Variants in RBPJ observed in about 807,000 individuals in gnomAD.
RBPJ encodes recombining binding protein suppressor of hairless.
A neutral mutation model predicts 67.8 loss-of-function variants in RBPJ; 9 were observed. The ratio of observed to expected loss-of-function variants is 0.13; its 90% confidence interval spans 0.08 to 0.23. RBPJ has a LOEUF of 0.23. RBPJ is among the 10% of genes least tolerant of loss of function. RBPJ has a pLI of 1.00. For missense variants in RBPJ, 305 were observed against 595.6 expected (o/e 0.51, Z 5.08); for synonymous variants, 198 against 203.3 (o/e 0.97, Z 0.22).
chr4:26,267,483 G>A (rs1292467475), intron 1 of RBPJ, among the ~76,000 whole-genome samples: 1 of 152,100 alleles, frequency 6.6e-6, no homozygotes, highest in Non-Finnish European at 1.5e-5. Flanking sequence ...AGATTTTTAA[G>A]TGTATCTTAT....
At chr4:26,160,227 T>C (rs1716052161), upstream of RBPJ, among the ~76,000 whole-genome samples, 1 of 152,200 alleles carries the variant, frequency 6.6e-6, no homozygotes, top group South Asian at 2.1e-4. Flanking sequence ...CAAGAAGCTT[T>C]CTCTTTAAGG....
chr4:26,347,943 T>C (rs1577490068), intron 1 of RBPJ, among the ~76,000 whole-genome samples: 1 of 33,582 alleles, frequency 3.0e-5, no homozygotes, highest in Non-Finnish European at 8.2e-5. Flanking sequence ...TGCTGTTTCC[T>C]TTTTTTTTTT....
Position 26,347,543 on chromosome 4 carries a change from G to T in RBPJ, c.20+26495G>T, listed in dbSNP as rs547005461. Among the ~76,000 whole-genome samples the T allele has an allele frequency of 8.5e-5, 13 of 152,302 alleles. No individual in the cohort carries two copies. The South Asian group carries it at 2.5e-3, about 29-fold the overall frequency. On this transcript the variant is annotated intron_variant, in intron 1 of 10. Coordinates refer to ENST00000355476, the MANE Select transcript of RBPJ (RefSeq NM_015874.6). ...GTGAGGTAAGTTTAAATGTTCATTG[G>T]ATTTAGGATTTCAGAGACCCTGGCA... is the stretch of plus-strand genomic sequence containing the variant.
chr4:26,118,556 T>G, the RBPJ span, among the ~76,000 whole-genome samples: 1 of 152,194 alleles, frequency 6.6e-6, no homozygotes, highest in Non-Finnish European at 1.5e-5. Flanking sequence ...CACTCGGGCT[T>G]GCAGGGCAAT....
intron 5 of RBPJ, 145 bp downstream of exon 5, chr4:26,420,870 A>T (rs1735062186): frequency 2.0e-5 from 13 of 660,580 alleles, no homozygotes; most frequent in Non-Finnish European, 3.2e-5. Context: ...CTCTTTTTTT[A>T]ATCGTAAATC....
intron 1 of RBPJ, among the ~76,000 whole-genome samples, chr4:26,194,123 A>G (rs1717668611): frequency 6.6e-6 from 1 of 152,250 alleles, no homozygotes; most frequent in Non-Finnish European, 1.5e-5. Flanking sequence ...GTGTTTATCC[A>G]GAACATTCAT....
intron 1 of RBPJ, among the ~76,000 whole-genome samples, chr4:26,292,489 C>T (rs923625839): frequency 2.0e-5 from 3 of 150,320 alleles, no homozygotes; most frequent in East Asian, 2.0e-4. Context: ...GGCACAATCT[C>T]GGCTCACTGC....
chr4:26,224,697 G>C (rs1719027122), intron 1 of RBPJ, among the ~76,000 whole-genome samples: 1 of 152,120 alleles, frequency 6.6e-6, no homozygotes, highest in African/African-American at 2.4e-5. Context: ...CAAGTAACAT[G>C]AGCTTCTACT....
intron 1 of RBPJ, among the ~76,000 whole-genome samples, chr4:26,247,184 AT>A (rs1221549548): frequency 1.3e-5 from 2 of 151,710 alleles, no homozygotes; most frequent in Non-Finnish European, 2.9e-5. Context: ...TTGAAAGTTT[AT>A]TTTTTTCATT....
chr4:26,430,252 T>G lies in RBPJ; in HGVS notation c.1045-167T>G. On this transcript the variant is annotated intron_variant, in intron 9 of 10. Transcript: ENST00000355476. This position sits in a 1 kb window ranked among gnomAD's most constrained non-coding sequence, Gnocchi z 4.1. Reference sequence around the variant, plus strand: ...ACTTGCCAGAAAATTTAAATGTAAATAAACTTGTATGTTATCTTGAAATGT... The same window carrying G: ...ACTTGCCAGAAAATTTAAATGTAAAGAAACTTGTATGTTATCTTGAAATGT... 1 of 846,704 alleles carries G rather than the reference T, an allele frequency of 1.2e-6. No individual in the cohort carries two copies. The highest frequency in any genetic ancestry group is 1.7e-5 in the South Asian group (1 of 59,416). The allele number at this position is 846,704 out of a possible 1,614,324, so 52.4% of individuals were successfully genotyped here. A position where few individuals can be genotyped will look rare whatever the true frequency, so the allele number is the denominator to read the frequency against.
intron 3 of RBPJ, among the ~76,000 whole-genome samples, chr4:26,414,606 T>A (rs533729287): frequency 1.3e-5 from 2 of 152,350 alleles, no homozygotes; most frequent in African/African-American, 4.8e-5. Context: ...AACATTATAA[T>A]TGAGCAAAGG....
intron 1 of RBPJ, among the ~76,000 whole-genome samples, chr4:26,330,541 A>T (rs1187641896): frequency 6.6e-6 from 1 of 152,244 alleles, no homozygotes; most frequent in Non-Finnish European, 1.5e-5. Flanking sequence ...ATCATATAGA[A>T]AACTCATTTA....
At chr4:26,111,063 A>G in the RBPJ span, among the ~76,000 whole-genome samples, 2 of 152,222 alleles carry the variant, frequency 1.3e-5, no homozygotes, top group Non-Finnish European at 2.9e-5. Context: ...TTGTTGAGCC[A>G]GCTCCCTTTG....
At chr4:26,250,289 A>G (rs975903841) in intron 1 of RBPJ, among the ~76,000 whole-genome samples, 4 of 150,910 alleles carry the variant, frequency 2.7e-5, no homozygotes, top group African/African-American at 9.8e-5. Context: ...TAATGTTTTC[A>G]AGGCTCATAC....
At chr4:26,150,761 C>A in the RBPJ span, among the ~76,000 whole-genome samples, 1 of 152,092 alleles carries the variant, frequency 6.6e-6, no homozygotes, top group Non-Finnish European at 1.5e-5. Flanking sequence ...GAGCACATAC[C>A]CCGGTCTCAT....
intron 1 of RBPJ, among the ~76,000 whole-genome samples, chr4:26,301,120 C>T (rs1450398941): frequency 6.6e-6 from 1 of 152,140 alleles, no homozygotes; most frequent in Non-Finnish European, 1.5e-5. Flanking sequence ...ACATGTGTTA[C>T]TTATTATTAA....
intron 5 of RBPJ, among the ~76,000 whole-genome samples, chr4:26,422,956 A>G (rs916048432): frequency 1.3e-4 from 20 of 152,332 alleles, no homozygotes; most frequent in Middle Eastern, 3.4e-3. Context: ...TTATATTGTG[A>G]TATGTCCTTG....
chr4:26,292,188 A>ACTC (rs1404438814), intron 1 of RBPJ, among the ~76,000 whole-genome samples: 1 of 150,612 alleles, frequency 6.6e-6, no homozygotes, highest in Non-Finnish European at 1.5e-5. Context: ...CTTATAACTG[A>ACTC]AAGTTTGTAC....
chr4:26,420,415 ATTTTT>A (rs1385292049), intron 4 of RBPJ, 131 bp from the exon 5 acceptor site: 1 of 523,422 alleles, frequency 1.9e-6, no homozygotes, highest in Non-Finnish European at 3.3e-6. Context: ...ATAGTTGATA[ATTTTT>A]AGAGTTGGTT....
Sources: allele counts gnomAD v4.1 joint callset (sites outside exome capture counted in the v4.1 genomes callset), GRCh38; gene constraint gnomAD v4.1.1; non-coding constraint Gnocchi (gnomAD v3.1); transcripts MANE v1.5; gene names NCBI Gene and HGNC (gene_info 2026-07-23, HGNC 2026-07-21).